The following SCAPER variants were observed in gnomAD, a reference collection of about 807,000 sequenced individuals.
SCAPER encodes the protein S phase cyclin A-associated protein in the endoplasmic reticulum.
SCAPER carries 98 observed loss-of-function variants against 182.2 expected under a neutral mutation model. The observed-to-expected ratio is 0.54, with a 90% CI of 0.46 to 0.64. SCAPER has a LOEUF of 0.64. Ranked by LOEUF, SCAPER falls within the 30% of genes least tolerant of loss-of-function variation. The pLI, the probability that SCAPER is intolerant of heterozygous loss-of-function variation, is 0.00. For synonymous variants in SCAPER, 605 were observed against 564.6 expected, an observed-to-expected ratio of 1.07 and a Z score of -1.01; for missense variants, 1,432 against 1,690.0, an observed-to-expected ratio of 0.85 and a Z score of 2.68.
At chr15:76,582,107 G>C (rs1042727237) in intron 22 of SCAPER, among the ~76,000 whole-genome samples, 2 of 152,028 alleles carry the variant, frequency 1.3e-5, no homozygotes, top group African/African-American at 4.8e-5. Flanking sequence ...GTCCTACCTA[G>C]ACCAATTGGA....
At chr15:76,834,704 A>C (rs2068783907) in intron 5 of SCAPER, among the ~76,000 whole-genome samples, 1 of 152,160 alleles carries the variant, frequency 6.6e-6, no homozygotes, top group Non-Finnish European at 1.5e-5. Context: ...CACAATTGGC[A>C]ATGACAAAGT....
chr15:76,796,559 A>G (rs2065342027), intron 7 of SCAPER, among the ~76,000 whole-genome samples: 1 of 152,242 alleles, frequency 6.6e-6, no homozygotes, highest in Non-Finnish European at 1.5e-5. Flanking sequence ...GTAGTCTATG[A>G]GCCAAAATTG....
intron 17 of SCAPER, among the ~76,000 whole-genome samples, chr15:76,723,721 G>A (rs1160939527): frequency 6.6e-6 from 1 of 152,140 alleles, no homozygotes; most frequent in Non-Finnish European, 1.5e-5. Flanking sequence ...TTTAAAGTCT[G>A]TTTTATCAGA....
At chr15:76,856,806 A>C (rs2071419447) in intron 4 of SCAPER, among the ~76,000 whole-genome samples, 1 of 152,066 alleles carries the variant, frequency 6.6e-6, no homozygotes, top group Admixed American at 6.6e-5. Flanking sequence ...AGGTCAAGTC[A>C]TTCTGTGAGC....
intron 20 of SCAPER, among the ~76,000 whole-genome samples, chr15:76,690,308 C>T (rs545331890): frequency 1.2e-4 from 19 of 152,106 alleles, no homozygotes; most frequent in South Asian, 2.1e-4. Context: ...AAATGAGAGA[C>T]ATTCTGCAAA....
rs2047059648 is a variant in SCAPER, at chr15:76,434,384, T to C, written c.3079-74A>G. On this transcript the variant is annotated intron_variant, in intron 25 of 31. Coordinates refer to ENST00000563290, the MANE Select transcript of SCAPER (RefSeq NM_020843.4). The stretch of plus-strand genomic sequence containing the variant: ...AATGGGCAGAGACAGTTTAGAACAT[T>C]TCTGGAATCATAAGTAATTTTGACA... The C allele has an allele frequency of 6.7e-6, 7 of 1,039,994 alleles. No homozygotes were observed. The East Asian group carries it at 1.7e-4, about 25-fold the overall frequency. The allele number at this position is 1,039,994 out of a possible 1,614,324, so 64.4% of individuals were successfully genotyped here. A position where few individuals can be genotyped will look rare whatever the true frequency, so the allele number is the denominator to read the frequency against.
chr15:76,816,605 A>T (rs892990171), intron 5 of SCAPER, among the ~76,000 whole-genome samples: 4 of 152,078 alleles, frequency 2.6e-5, no homozygotes, highest in Non-Finnish European at 5.9e-5. Flanking sequence ...GAAGGAATAC[A>T]TTCTAAAATA....
rs774072370 is a variant in SCAPER at position 76,434,232 on chromosome 15, G to C, written c.3157C>G (p.Leu1053Val). The C allele has an allele frequency of 5.0e-6, 8 of 1,613,848 alleles. No homozygotes were observed. The highest frequency in any genetic ancestry group is 6.8e-6 in the Non-Finnish European group (8 of 1,179,840). Reference sequence around the variant, plus strand: ...AAAACCACAGCACTGACTTTGAGAAGTCCAGTTGTCAAGCCTTCAAAAACT... The same window carrying C: ...AAAACCACAGCACTGACTTTGAGAACTCCAGTTGTCAAGCCTTCAAAAACT... ...KQVFEGLTTG[L>V]LKVSAVVLGC... The change falls in exon 26 of 32, where the codon CTT becomes GTT. Residue 1053 changes from leucine (L) to valine (V), a missense_variant. Leu to Val is a conservative substitution (Grantham distance 32). Around this residue, in one of 5 missense-constraint regions of SCAPER, gnomAD observed 718 missense variants for 799.7 expected, o/e 0.90. Coordinates refer to ENST00000563290, the MANE Select transcript of SCAPER (RefSeq NM_020843.4).
In SCAPER at chr15:76,396,808, C is replaced by A. The variant is rs555282773; in HGVS notation, c.3467+7716G>T. Among the ~76,000 whole-genome samples, 7 of 152,194 alleles carry A rather than the reference C, an allele frequency of 4.6e-5. No individual in the cohort carries two copies. In the South Asian group the frequency reaches 1.5e-3, roughly 32 times the overall value. ...TTTCTGATTCAGATGCCTTTTCTTT[C>A]TTCTGTCTGATTGCTCTAGCTAGGA... On this transcript the variant is annotated intron_variant, in intron 27 of 31. Transcript: ENST00000563290.
At chr15:76,440,895 A>G (rs1028473923) in intron 25 of SCAPER, among the ~76,000 whole-genome samples, 1 of 81,396 alleles carries the variant, frequency 1.2e-5, no homozygotes, top group Non-Finnish European at 2.6e-5. Flanking sequence ...TTTTAAAATT[A>G]TTCCCCTTCT....
intron 22 of SCAPER, among the ~76,000 whole-genome samples, chr15:76,618,480 T>C (rs1194432089): frequency 6.6e-6 from 1 of 152,192 alleles, no homozygotes; most frequent in Non-Finnish European, 1.5e-5. Context: ...AGGAATTACA[T>C]TACATTTGTA....
intron 19 of SCAPER, 91 bp downstream of exon 19, chr15:76,702,759 T>A: frequency 6.9e-7 from 1 of 1,453,860 alleles, no homozygotes; most frequent in Non-Finnish European, 9.3e-7. Flanking sequence ...TGCCTTAGCG[T>A]GAGTTTTAAA....
At chr15:76,759,760 T>C (rs2062666139) in intron 14 of SCAPER, among the ~76,000 whole-genome samples, 1 of 152,188 alleles carries the variant, frequency 6.6e-6, no homozygotes, top group Non-Finnish European at 1.5e-5. Flanking sequence ...ATGTAGTATA[T>C]TGCATTTATA....
intron 8 of SCAPER, among the ~76,000 whole-genome samples, chr15:76,790,242 A>AAG (rs2064910215): frequency 6.6e-6 from 1 of 152,002 alleles, no homozygotes; most frequent in East Asian, 1.9e-4. Flanking sequence ...AAAAAAAAAA[A>AAG]AAATGTACAT....
chr15:76,740,995 C>T (rs562986866), intron 15 of SCAPER, among the ~76,000 whole-genome samples: 2 of 152,162 alleles, frequency 1.3e-5, no homozygotes, highest in East Asian at 3.9e-4. Flanking sequence ...AAATACAACT[C>T]CAAACTCTCA....
intron 29 of SCAPER, among the ~76,000 whole-genome samples, chr15:76,371,957 T>A (rs1396255465): frequency 6.6e-6 from 1 of 151,456 alleles, no homozygotes; most frequent in Non-Finnish European, 1.5e-5. Context: ...AGAAATATCA[T>A]CTCCATAATG....
At chr15:76,771,690 A>T in intron 10 of SCAPER, 52 bp downstream of exon 10, 1 of 1,384,826 alleles carries the variant, frequency 7.2e-7, no homozygotes, top group Non-Finnish European at 1.0e-6. Flanking sequence ...TATGCTTCTT[A>T]AATATACTCA....
chr15:76,509,372 T>A (rs995562178), intron 23 of SCAPER, among the ~76,000 whole-genome samples: 1 of 152,194 alleles, frequency 6.6e-6, no homozygotes, highest in Admixed American at 6.5e-5. Context: ...GTCAGGACCA[T>A]GTCTAGTTAG....
rs2041444095 is a variant in SCAPER at position 76,504,881 on chromosome 15, T to C, written c.2932A>G (p.Thr978Ala). Residue 978 changes from threonine to alanine, a missense_variant, in exon 24 of 32, where the codon ACA (threonine) becomes GCA (alanine). Physicochemically the swap from Thr to Ala is moderately conservative, Grantham distance 58. Coordinates refer to ENST00000563290, the MANE Select transcript of SCAPER (RefSeq NM_020843.4). ...QAVVPATNVN[T>A]VLRIPPKSLC... ...TACTTAGGAGGAATTCTTAAAACTG[T>C]GTTCACATTTGTGGCTGGGACTACT... The C allele has an allele frequency of 6.2e-7, 1 of 1,610,058 alleles. No individual in the cohort carries two copies. The highest frequency in any genetic ancestry group is 8.5e-7 in the Non-Finnish European group (1 of 1,178,752).
Sources: gnomAD v4.1 joint callset for allele counts (sites outside exome capture counted in the v4.1 genomes callset) on GRCh38, gnomAD v4.1.1 for gene constraint, gnomAD v4.1.1 regional missense constraint, MANE v1.5 for transcripts, NCBI Gene and HGNC (gene_info 2026-07-23, HGNC 2026-07-21) for gene names.